Variants in SPIDR observed in about 807,000 individuals in gnomAD.
The protein encoded by SPIDR is DNA repair-scaffolding protein.
Under a neutral mutation model 104.6 loss-of-function variants are expected in SPIDR, and 93 were observed. The observed-to-expected ratio is 0.89, with a 90% CI of 0.75 to 1.06. The LOEUF is 1.06. Among genes scored for constraint, SPIDR ranks in the 50% least tolerant of loss-of-function variants. The probability of loss-of-function intolerance (pLI) is 0.00; values close to 1 mark genes in which losing one functional copy is unlikely to be tolerated. For missense variants in SPIDR, 1,154 were observed against 1,111.2 expected, an observed-to-expected ratio of 1.04 and a Z score of -0.55; for synonymous variants, 431 against 416.9, an observed-to-expected ratio of 1.03 and a Z score of -0.41.
At chr8:47,615,025 G>A (rs899684544) in intron 10 of SPIDR, among the ~76,000 whole-genome samples, 19 of 151,588 alleles carry the variant, frequency 1.3e-4, no homozygotes, top group Non-Finnish European at 2.8e-4. Flanking sequence ...CCTGTAGGTT[G>A]TCTTTTTACT....
At chr8:47,707,694 T>C (rs1033080905) in intron 14 of SPIDR, among the ~76,000 whole-genome samples, 3 of 152,230 alleles carry the variant, frequency 2.0e-5, no homozygotes. Context: ...CCCAAAGTTA[T>C]TCTTTTGTGT....
intron 2 of SPIDR, among the ~76,000 whole-genome samples, chr8:47,280,522 A>G (rs1196716317): frequency 6.6e-6 from 1 of 151,602 alleles, no homozygotes; most frequent in Non-Finnish European, 1.5e-5. Context: ...CCTCTCGAAT[A>G]GCTTGGATTA....
intron 6 of SPIDR, 116 bp downstream of exon 6, chr8:47,396,742 G>T (rs1440837216): frequency 2.4e-5 from 26 of 1,092,214 alleles, no homozygotes; most frequent in Admixed American, 1.0e-4. Context: ...TTCTGGAGCT[G>T]ATTAATGGAA....
intron 5 of SPIDR, among the ~76,000 whole-genome samples, chr8:47,338,611 G>T (rs192335242): frequency 4.7e-4 from 72 of 152,270 alleles, no homozygotes; most frequent in Middle Eastern, 3.4e-3. Context: ...CTTAGAGATG[G>T]TGCCTGGACA....
intron 8 of SPIDR, among the ~76,000 whole-genome samples, chr8:47,452,725 G>A (rs1404589461): frequency 6.6e-6 from 1 of 152,080 alleles, no homozygotes; most frequent in African/African-American, 2.4e-5. Context: ...AATAATAAGA[G>A]CTATTTATGA....
chr8:47,438,921 C>A (rs1200599397), intron 7 of SPIDR, among the ~76,000 whole-genome samples: 1 of 152,094 alleles, frequency 6.6e-6, no homozygotes, highest in Non-Finnish European at 1.5e-5. Context: ...AATCTTAGCA[C>A]CGTCTAAATA....
At chr8:47,316,787 G>A (rs1053733300) in intron 5 of SPIDR, among the ~76,000 whole-genome samples, 4 of 152,126 alleles carry the variant, frequency 2.6e-5, no homozygotes, top group Non-Finnish European at 4.4e-5. Context: ...AGTGCTATAT[G>A]TATATGTTAA....
At chr8:47,672,566 G>A (rs1467567496) in intron 10 of SPIDR, among the ~76,000 whole-genome samples, 1 of 152,082 alleles carries the variant, frequency 6.6e-6, no homozygotes, top group African/African-American at 2.4e-5. Flanking sequence ...AATAAATGTA[G>A]CTTTCCTTTT....
At chr8:47,354,394 G>A (rs2054131105) in intron 5 of SPIDR, among the ~76,000 whole-genome samples, 1 of 150,244 alleles carries the variant, frequency 6.7e-6, no homozygotes, top group Non-Finnish European at 1.5e-5. Context: ...AATGCAACCA[G>A]TATACAAAAA....
At chr8:47,431,719 G>A (rs887522733) in intron 7 of SPIDR, among the ~76,000 whole-genome samples, 1 of 152,112 alleles carries the variant, frequency 6.6e-6, no homozygotes, top group East Asian at 1.9e-4. Context: ...TTCATGCTTA[G>A]AATAATTGTG....
chr8:47,498,887 C>G (rs2079879522), intron 8 of SPIDR, among the ~76,000 whole-genome samples: 1 of 152,156 alleles, frequency 6.6e-6, no homozygotes, highest in Admixed American at 6.5e-5. Flanking sequence ...TTCAGTGTTT[C>G]TTCATTTAGC....
At chr8:47,453,619 A>G (rs960396831) in intron 8 of SPIDR, among the ~76,000 whole-genome samples, 42 of 152,228 alleles carry the variant, frequency 2.8e-4, no homozygotes, top group Admixed American at 1.4e-3. Flanking sequence ...AGGATTCCCT[A>G]TTTAATAAAT....
chr8:47,274,257 A>G (rs1214599961), intron 1 of SPIDR, among the ~76,000 whole-genome samples: 1 of 152,150 alleles, frequency 6.6e-6, no homozygotes, highest in African/African-American at 2.4e-5. Flanking sequence ...TTTTTCTTCA[A>G]TCATTGATTA....
chr8:47,298,678 C>CTA lies in SPIDR; in HGVS notation c.525+4648_525+4649insTA, dbSNP rs1327812209. Among the ~76,000 whole-genome samples, 4 of 152,182 alleles carry CTA rather than the reference C, an allele frequency of 2.6e-5. No individual in the cohort carries two copies. In the South Asian group the frequency reaches 6.2e-4, roughly 24 times the overall value. On this transcript the variant is annotated intron_variant, in intron 5 of 19. Coordinates refer to ENST00000297423, the MANE Select transcript of SPIDR (RefSeq NM_001080394.4). ...GTTTCAGCTTTCTACATATGGCTAGCCAGTTTTCCCAGCACCATTTGTAAA... is the reference window on the plus strand; with the variant it reads ...GTTTCAGCTTTCTACATATGGCTAGCTACAGTTTTCCCAGCACCATTTGTAAA...
intron 5 of SPIDR, among the ~76,000 whole-genome samples, chr8:47,342,622 C>G (rs2051007210): frequency 6.6e-6 from 1 of 152,138 alleles, no homozygotes; most frequent in South Asian, 2.1e-4. Context: ...CAGGTATGAT[C>G]AAGTGCACCC....
At chr8:47,292,098 G>C (rs1251348311) in intron 4 of SPIDR, among the ~76,000 whole-genome samples, 2 of 152,114 alleles carry the variant, frequency 1.3e-5, no homozygotes, top group African/African-American at 2.4e-5. Context: ...ATCACCCCTA[G>C]TTGATAACCA....
At chr8:47,729,939 G>A (rs1296766428) in intron 19 of SPIDR, among the ~76,000 whole-genome samples, 1 of 151,992 alleles carries the variant, frequency 6.6e-6, no homozygotes, top group African/African-American at 2.4e-5. Context: ...GGCTGGTCTC[G>A]AACTCTTGAC....
At chr8:47,547,540 G>A (rs2089639865) in intron 8 of SPIDR, 2 of 178,298 alleles carry the variant, frequency 1.1e-5, no homozygotes, top group South Asian at 2.2e-4. Context: ...AATTCTCCTG[G>A]CTCAGCCTCG....
chr8:47,543,176 A>T (rs1364493956), intron 8 of SPIDR, among the ~76,000 whole-genome samples: 1 of 152,162 alleles, frequency 6.6e-6, no homozygotes, highest in Non-Finnish European at 1.5e-5. Context: ...CTTTTCTGGG[A>T]TAAATACCCA....
Sources: allele counts gnomAD v4.1 joint callset (sites outside exome capture counted in the v4.1 genomes callset), GRCh38; gene constraint gnomAD v4.1.1; transcripts MANE v1.5; gene names NCBI Gene and HGNC (gene_info 2026-07-23, HGNC 2026-07-21).